AGBL4: variants seen among roughly 807,000 people sequenced by gnomAD.
AGBL4 encodes the protein cytosolic carboxypeptidase 6.
In AGBL4, 58 loss-of-function variants were observed where a neutral mutation model predicts 66.4. The ratio of observed to expected loss-of-function variants is 0.87; its 90% confidence interval spans 0.71 to 1.09. The LOEUF is 1.09. Among genes scored for constraint, AGBL4 ranks in the 50% least tolerant of loss-of-function variants. The probability of loss-of-function intolerance (pLI) is 0.00; values close to 1 mark genes in which losing one functional copy is unlikely to be tolerated. For synonymous variants in AGBL4, 234 were observed against 222.9 expected, an observed-to-expected ratio of 1.05 and a Z score of -0.44; for missense variants, 579 against 631.0, an observed-to-expected ratio of 0.92 and a Z score of 0.88.
chr1:48,776,970 C>G (rs1005925309), intron 6 of AGBL4: 13 of 448,498 alleles, frequency 2.9e-5, no homozygotes, highest in South Asian at 1.7e-4. Context: ...AGGCTCCCCC[C>G]ACTGTTATTG....
intron 3 of AGBL4, among the ~76,000 whole-genome samples, chr1:49,530,273 C>CAACAAAAAAAA: frequency 8.9e-6 from 1 of 111,952 alleles, no homozygotes; most frequent in African/African-American, 3.6e-5. Flanking sequence ...AAAAAAAAAA[C>CAACAAAAAAAA]AAAAAAAAAC....
At chr1:49,036,488 G>A (rs1487753871) in intron 5 of AGBL4, among the ~76,000 whole-genome samples, 1 of 152,098 alleles carries the variant, frequency 6.6e-6, no homozygotes, top group Non-Finnish European at 1.5e-5. Context: ...TTCTCTGGGG[G>A]TAGGAGAAAA....
intron 5 of AGBL4, among the ~76,000 whole-genome samples, chr1:48,953,987 G>A (rs751386606): frequency 6.6e-6 from 1 of 152,234 alleles, no homozygotes; most frequent in Non-Finnish European, 1.5e-5. Context: ...GCAGACAAAT[G>A]ATGAGTAGTA....
At chr1:49,944,087 G>A (rs1655003697) in intron 1 of AGBL4, among the ~76,000 whole-genome samples, 1 of 151,906 alleles carries the variant, frequency 6.6e-6, no homozygotes, top group Non-Finnish European at 1.5e-5. Context: ...AGTTAGCACT[G>A]CCCCCACCTG....
chr1:49,962,775 T>C (rs1446247260), intron 1 of AGBL4, among the ~76,000 whole-genome samples: 3 of 152,126 alleles, frequency 2.0e-5, no homozygotes, highest in Admixed American at 6.6e-5. Context: ...ACATGAATAT[T>C]TGTGAGCCAC....
chr1:49,395,762 T>TAC lies in AGBL4; in HGVS notation c.283-149900_283-149899dup, dbSNP rs1553194889. 3.7e-3 allele frequency among the ~76,000 whole-genome samples: 509 copies of TAC among 138,216 alleles called. 3 individuals are homozygous for TAC. The highest frequency in any genetic ancestry group is 0.013 in the African/African-American group (464 of 36,566). 90.7% of individuals were successfully genotyped at this position (138,216 alleles called of 152,430 possible). On this transcript the variant is annotated intron_variant, in intron 3 of 13. Coordinates refer to ENST00000371839, the MANE Select transcript of AGBL4 (RefSeq NM_032785.4). ...ATATATATATGTATATATATATATATACACATATATATACATGTGTATATA... is the reference window on the plus strand; with the variant it reads ...ATATATATATGTATATATATATATATACACACATATATATACATGTGTATATA...
At chr1:49,777,211 A>G (rs1644220285) in intron 2 of AGBL4, among the ~76,000 whole-genome samples, 1 of 152,124 alleles carries the variant, frequency 6.6e-6, no homozygotes, top group Non-Finnish European at 1.5e-5. Context: ...AAACTGGTGA[A>G]TTAATTGTAT....
At chr1:49,224,602 G>A (rs1365746679) in intron 4 of AGBL4, among the ~76,000 whole-genome samples, 1 of 142,250 alleles carries the variant, frequency 7.0e-6, no homozygotes, top group Non-Finnish European at 1.5e-5. Flanking sequence ...TGGCAACAGA[G>A]CGAGACTCCC....
At chr1:48,917,733 G>A (rs1173741893) in intron 5 of AGBL4, among the ~76,000 whole-genome samples, 1 of 152,144 alleles carries the variant, frequency 6.6e-6, no homozygotes. Context: ...GAAAAAATTG[G>A]GGCTCAGAGA....
intron 3 of AGBL4, among the ~76,000 whole-genome samples, chr1:49,283,287 C>T (rs1028680218): frequency 6.6e-6 from 1 of 152,194 alleles, no homozygotes; most frequent in Non-Finnish European, 1.5e-5. Flanking sequence ...GCAGGGTATT[C>T]CAACAGACTC....
intron 3 of AGBL4, among the ~76,000 whole-genome samples, chr1:49,542,882 G>A: frequency 1.0e-5 from 1 of 99,450 alleles, no homozygotes; most frequent in South Asian, 3.6e-4. Flanking sequence ...CTGGGTGACA[G>A]AGTAAGACTC....
intron 5 of AGBL4, among the ~76,000 whole-genome samples, chr1:49,036,492 G>T (rs550480609): frequency 6.6e-6 from 1 of 152,102 alleles, no homozygotes; most frequent in South Asian, 2.1e-4. Context: ...CTGGGGGTAG[G>T]AGAAAAGAGA....
At chr1:49,259,021 A>G (rs1652837593) in intron 3 of AGBL4, among the ~76,000 whole-genome samples, 1 of 152,168 alleles carries the variant, frequency 6.6e-6, no homozygotes, top group African/African-American at 2.4e-5. Context: ...TAAAGAAAAT[A>G]ATTTTCAACC....
At chr1:49,507,649 A>G (rs1484910797) in intron 3 of AGBL4, among the ~76,000 whole-genome samples, 1 of 151,958 alleles carries the variant, frequency 6.6e-6, no homozygotes, top group African/African-American at 2.4e-5. Context: ...GGAAAAAATA[A>G]TTATTGATAA....
chr1:49,349,022 C>A (rs1458072309), intron 3 of AGBL4, among the ~76,000 whole-genome samples: 1 of 152,166 alleles, frequency 6.6e-6, no homozygotes, highest in African/African-American at 2.4e-5. Flanking sequence ...TAATTCCCTG[C>A]CATGCACCAG....
At chr1:49,221,711 A>G (rs34202292) in intron 4 of AGBL4, among the ~76,000 whole-genome samples, 62,329 of 151,900 alleles carry the variant, frequency 0.41, 16,243 homozygotes, top group Non-Finnish European at 0.58. Context: ...TTTGAAAGAG[A>G]ATTTTGTCTT....
chr1:49,844,959 C>T, intron 2 of AGBL4: 1 of 1,366,488 alleles, frequency 7.3e-7, no homozygotes, highest in South Asian at 1.2e-5. Context: ...ACCCTGATTT[C>T]CTACATCAAC....
chr1:49,571,570 C>G (rs926732588), intron 3 of AGBL4, among the ~76,000 whole-genome samples: 7 of 152,040 alleles, frequency 4.6e-5, no homozygotes, highest in Non-Finnish European at 8.8e-5. Flanking sequence ...TTATTTGTTT[C>G]TCTTGGCTGC....
chr1:49,627,160 A>G (rs189927834), intron 3 of AGBL4, among the ~76,000 whole-genome samples: 2 of 152,302 alleles, frequency 1.3e-5, no homozygotes, highest in African/African-American at 2.4e-5. Context: ...GTTGATGTCT[A>G]GAATATTTGT....
Sources: gnomAD v4.1 joint callset for allele counts (sites outside exome capture counted in the v4.1 genomes callset) on GRCh38, gnomAD v4.1.1 for gene constraint, MANE v1.5 for transcripts, NCBI Gene and HGNC (gene_info 2026-07-23, HGNC 2026-07-21) for gene names.